SENP7: variants seen among roughly 807,000 people sequenced by gnomAD.
SENP7 encodes SUMO specific peptidase 7, also known as sentrin-specific protease 7.
In SENP7, 64 loss-of-function variants were observed where a neutral mutation model predicts 141.2. The ratio of observed to expected loss-of-function variants is 0.45; its 90% CI spans 0.37 to 0.56. The LOEUF (loss-of-function observed/expected upper bound fraction) is 0.56. SENP7 is among the 20% of genes least tolerant of loss of function. SENP7 has a pLI of 0.00. For missense variants in SENP7, 1,025 were observed against 1,212.2 expected (o/e 0.85, Z 2.29); for synonymous variants, 382 against 426.4 (o/e 0.90, Z 1.28).
chr3:101,365,634 C>CAA (rs1010380283), intron 9 of SENP7, among the ~76,000 whole-genome samples: 314 of 61,274 alleles, frequency 5.1e-3, no homozygotes, highest in Non-Finnish European at 6.2e-3. Context: ...GACTCTGTCT[C>CAA]AAAAAAAAAA....
rs1467136793 is a variant in SENP7, at chr3:101,347,910, A to C, written c.1799T>G (p.Ile600Ser). 6.2e-7 allele frequency: 1 copy of C among 1,601,300 alleles called. No individual in the cohort carries two copies. Among genetic ancestry groups the C allele is most frequent in the Admixed American group, 1.7e-5 (1 of 59,196 alleles). ...TACAGAGTGTTCTAATTGGGTCTGAATCTCTTGAAGATAATCTGAAGAGAC... is the reference window on the plus strand; with the variant it reads ...TACAGAGTGTTCTAATTGGGTCTGACTCTCTTGAAGATAATCTGAAGAGAC... ...FWVSSDYLQEIQTQLEHSVLS... is the reference protein window; with the variant it reads ...FWVSSDYLQESQTQLEHSVLS... The change falls in exon 13 of 24, where the codon ATT (isoleucine) becomes AGT (serine). Residue 600 changes from isoleucine to serine, a missense_variant. By Grantham distance (142) the Ile-to-Ser change is moderately radical (BLOSUM62 -2). This residue lies in a region of SENP7 where 228 missense variants were observed against 228.5 expected (regional missense o/e 1.00). Coordinates refer to ENST00000394095, the MANE Select transcript of SENP7 (RefSeq NM_020654.5).
chr3:101,481,404 A>G (rs901943080), intron 3 of SENP7, among the ~76,000 whole-genome samples: 3 of 152,228 alleles, frequency 2.0e-5, no homozygotes, highest in African/African-American at 7.2e-5. Flanking sequence ...AAAATATTCC[A>G]TGTATTCACT....
intron 4 of SENP7, among the ~76,000 whole-genome samples, chr3:101,435,568 TAAAC>T (rs1375291999): frequency 1.3e-5 from 2 of 151,938 alleles, no homozygotes; most frequent in Non-Finnish European, 1.5e-5. Context: ...TTAGAACTGA[TAAAC>T]AAATTCAGTA....
chr3:101,410,233 C>T (rs936063363), intron 5 of SENP7, among the ~76,000 whole-genome samples: 14 of 152,038 alleles, frequency 9.2e-5, no homozygotes, highest in Admixed American at 3.9e-4. Context: ...AACCACAGTG[C>T]GGTACCACCT....
intron 3 of SENP7, among the ~76,000 whole-genome samples, chr3:101,463,071 A>G (rs2063602975): frequency 6.6e-6 from 1 of 151,584 alleles, no homozygotes; most frequent in Non-Finnish European, 1.5e-5. Flanking sequence ...CAAAGACTAA[A>G]AACTCAGACT....
chr3:101,454,868 T>G (rs2063297412), intron 4 of SENP7, among the ~76,000 whole-genome samples: 1 of 152,156 alleles, frequency 6.6e-6, no homozygotes, highest in South Asian at 2.1e-4. Flanking sequence ...TGTAAATGAG[T>G]AGTTTCTTTT....
At chr3:101,333,551 AT>A (rs1478205577) in intron 17 of SENP7, among the ~76,000 whole-genome samples, 1 of 151,638 alleles carries the variant, frequency 6.6e-6, no homozygotes, top group Non-Finnish European at 1.5e-5. Context: ...AGTTAACTTA[AT>A]TTAATTAAAA....
chr3:101,458,088 T>C (rs1038608265), intron 4 of SENP7, among the ~76,000 whole-genome samples: 2 of 152,202 alleles, frequency 1.3e-5, no homozygotes, highest in Admixed American at 6.5e-5. Context: ...GCATCATCAT[T>C]GCATCAATAG....
At position 101,438,903 on chromosome 3, in the gene SENP7, C is replaced by A. The variant is rs1450883851; in HGVS notation, c.284+20052G>T. Among the ~76,000 whole-genome samples the A allele has an allele frequency of 1.2e-4, 18 of 149,740 alleles. No individual in the cohort carries two copies. The East Asian group carries it at 3.6e-3, about 30-fold the overall frequency. On this transcript the variant is annotated intron_variant, in intron 4 of 23. Coordinates refer to ENST00000394095, the MANE Select transcript of SENP7 (RefSeq NM_020654.5). ...GGGGCCCGAGGGCAAGGAGCAGCCGCCTGCCTTGGCCTCCCAAAGTGCCGA... is the reference window on the plus strand; with the variant it reads ...GGGGCCCGAGGGCAAGGAGCAGCCGACTGCCTTGGCCTCCCAAAGTGCCGA...
intron 4 of SENP7, among the ~76,000 whole-genome samples, chr3:101,419,887 C>CA (rs1257782450): frequency 1.3e-5 from 2 of 152,164 alleles, no homozygotes; most frequent in African/African-American, 4.8e-5. Flanking sequence ...GAGGGGCTTA[C>CA]AAATTATTCT....
intron 7 of SENP7, among the ~76,000 whole-genome samples, chr3:101,369,270 GC>G (rs2107415143): frequency 1.3e-5 from 2 of 152,278 alleles, no homozygotes; most frequent in South Asian, 4.2e-4. Flanking sequence ...CAAAGCAGTT[GC>G]CTTTAATTCA....
intron 2 of SENP7, among the ~76,000 whole-genome samples, chr3:101,497,274 A>G (rs1051828469): frequency 1.3e-5 from 2 of 152,348 alleles, no homozygotes; most frequent in South Asian, 2.1e-4. Flanking sequence ...ATAAATAGAC[A>G]TATGTATGTT....
chr3:101,508,594 G>A (rs1057295579), intron 1 of SENP7, among the ~76,000 whole-genome samples: 16 of 152,060 alleles, frequency 1.1e-4, no homozygotes, highest in Admixed American at 3.9e-4. Flanking sequence ...GTGAGACCCC[G>A]TCTCCAAAAA....
intron 4 of SENP7, among the ~76,000 whole-genome samples, chr3:101,435,702 T>C (rs77546170): frequency 0.024 from 3,609 of 151,944 alleles, 146 homozygotes; most frequent in African/African-American, 0.082. Flanking sequence ...CATATAAAAT[T>C]ACCTAGGAAT....
rs191975861 is a variant in SENP7 at position 101,509,510 on chromosome 3, T to C, written c.40+3581A>G. 5.9e-5 allele frequency among the ~76,000 whole-genome samples: 9 copies of C among 152,342 alleles called. No homozygotes were observed. In the East Asian group the frequency reaches 1.3e-3, roughly 23 times the overall value. On this transcript the variant is annotated intron_variant, in intron 1 of 23. Transcript: ENST00000394095. ...CAGCCTATCTAACTGCTTAGTAATATCTCTTCCTCCGCACTTTGAAATTAG... is the reference window on the plus strand; with the variant it reads ...CAGCCTATCTAACTGCTTAGTAATACCTCTTCCTCCGCACTTTGAAATTAG...
intron 6 of SENP7, among the ~76,000 whole-genome samples, chr3:101,389,246 T>C (rs1221824409): frequency 6.6e-6 from 1 of 152,052 alleles, no homozygotes; most frequent in African/African-American, 2.4e-5. Flanking sequence ...CAAGCAATCC[T>C]CCCACCTCAG....
At chr3:101,426,758 A>G (rs749773943) in intron 4 of SENP7, among the ~76,000 whole-genome samples, 3 of 152,214 alleles carry the variant, frequency 2.0e-5, no homozygotes, top group Admixed American at 6.5e-5. Context: ...CTGGGATTAC[A>G]GGCATGAGCC....
At chr3:101,341,999 A>G (rs2059338783) in intron 14 of SENP7, among the ~76,000 whole-genome samples, 1 of 152,240 alleles carries the variant, frequency 6.6e-6, no homozygotes, top group Admixed American at 6.5e-5. Context: ...TACTATTTGC[A>G]GATATGGACT....
At position 101,498,829 on chromosome 3, in the gene SENP7, T is replaced by G. The variant is rs184693200; in HGVS notation, c.90+2241A>C. Among the ~76,000 whole-genome samples the G allele has an allele frequency of 1.3e-3, 205 of 152,260 alleles. 2 individuals carry two copies. The highest frequency in any genetic ancestry group is 4.8e-3 in the African/African-American group (199 of 41,554). On this transcript the variant is annotated intron_variant, in intron 2 of 23. Coordinates refer to ENST00000394095, the MANE Select transcript of SENP7 (RefSeq NM_020654.5). ...ATTCTCATAGGAGCACAAACACTATTGTGAACTGTGCATGCAAGGGATCTA... is the reference window on the plus strand; with the variant it reads ...ATTCTCATAGGAGCACAAACACTATGGTGAACTGTGCATGCAAGGGATCTA...
Sources: allele counts gnomAD v4.1 joint callset (sites outside exome capture counted in the v4.1 genomes callset), GRCh38; gene constraint gnomAD v4.1.1; regional missense constraint gnomAD v4.1.1; transcripts MANE v1.5; gene names NCBI Gene and HGNC (gene_info 2026-07-23, HGNC 2026-07-21).